Variants in PTPRD observed in about 807,000 individuals in gnomAD.
PTPRD encodes the protein protein tyrosine phosphatase receptor type D.
A neutral mutation model predicts 214.5 loss-of-function variants in PTPRD; 34 were observed. That is an observed-to-expected ratio of 0.16 (90% CI 0.12 to 0.21). The LOEUF (loss-of-function observed/expected upper bound fraction) is 0.21. Among genes scored for constraint, PTPRD ranks in the 10% least tolerant of loss-of-function variants. PTPRD has a pLI of 1.00. For missense variants in PTPRD, 2,545 were observed against 2,398.7 expected (o/e 1.06, Z -1.27); for synonymous variants, 1,128 against 845.7 (o/e 1.33, Z -5.79).
intron 14 of PTPRD, among the ~76,000 whole-genome samples, chr9:8,612,615 A>G (rs779640414): frequency 3.7e-4 from 57 of 152,214 alleles, no homozygotes; most frequent in Non-Finnish European, 7.5e-4. Context: ...GAAAATCCAC[A>G]TGCTTCGAAC....
At chr9:8,477,293 A>G (rs891571617) in intron 30 of PTPRD, among the ~76,000 whole-genome samples, 2 of 152,190 alleles carry the variant, frequency 1.3e-5, no homozygotes, top group Non-Finnish European at 2.9e-5. Context: ...CAGAATCAAT[A>G]TATCTGGAAA....
intron 35 of PTPRD, among the ~76,000 whole-genome samples, chr9:8,417,027 C>A (rs895810446): frequency 2.0e-5 from 3 of 151,948 alleles, no homozygotes; most frequent in African/African-American, 4.8e-5. Flanking sequence ...TATCATGGAG[C>A]ATAATTCCTT....
intron 8 of PTPRD, among the ~76,000 whole-genome samples, chr9:9,533,146 T>C (rs990381770): frequency 2.0e-5 from 3 of 152,160 alleles, no homozygotes; most frequent in Non-Finnish European, 4.4e-5. Flanking sequence ...TTTCTCTTGA[T>C]AGTGTGAGGG....
At chr9:10,228,099 AC>A (rs1315810070) in intron 3 of PTPRD, among the ~76,000 whole-genome samples, 1 of 151,876 alleles carries the variant, frequency 6.6e-6, no homozygotes, top group Non-Finnish European at 1.5e-5. Context: ...AAATTTAGCT[AC>A]TTAAAACTTT....
chr9:8,816,346 G>A (rs1336895528), intron 11 of PTPRD, among the ~76,000 whole-genome samples: 1 of 152,150 alleles, frequency 6.6e-6, no homozygotes, highest in Non-Finnish European at 1.5e-5. Context: ...GAACAGAACT[G>A]CTTCAGCTAT....
chr9:10,503,008 A>G (rs976791704), intron 2 of PTPRD, among the ~76,000 whole-genome samples: 1 of 151,938 alleles, frequency 6.6e-6, no homozygotes, highest in African/African-American at 2.4e-5. Flanking sequence ...TTTATTTTGA[A>G]AACTTTAATC....
chr9:8,370,542 T>A (rs2081231528), intron 39 of PTPRD, among the ~76,000 whole-genome samples: 1 of 152,124 alleles, frequency 6.6e-6, no homozygotes, highest in South Asian at 2.1e-4. Context: ...CCATGATTGG[T>A]AGCTATTGTG....
intron 12 of PTPRD, among the ~76,000 whole-genome samples, chr9:8,698,327 G>A (rs987170015): frequency 4.6e-5 from 7 of 152,186 alleles, no homozygotes; most frequent in African/African-American, 1.7e-4. Context: ...TGAAAATCAA[G>A]AATCAAGGAC....
chr9:10,366,928 G>C (rs1425880386), intron 2 of PTPRD, among the ~76,000 whole-genome samples: 6 of 152,098 alleles, frequency 3.9e-5, no homozygotes, highest in African/African-American at 1.2e-4. Context: ...ATAATGATTA[G>C]GAAGAAGGAA....
intron 4 of PTPRD, among the ~76,000 whole-genome samples, chr9:10,024,767 C>CGAT (rs946347623): frequency 1.4e-5 from 2 of 138,896 alleles, no homozygotes; most frequent in African/African-American, 5.3e-5. Flanking sequence ...TCTCCTAATG[C>CGAT]TATCCCTCCC....
At chr9:10,585,487 T>C (rs2073597766) in intron 2 of PTPRD, among the ~76,000 whole-genome samples, 2 of 152,090 alleles carry the variant, frequency 1.3e-5, no homozygotes, top group Admixed American at 1.3e-4. Flanking sequence ...AGAAAGCTTT[T>C]AGAAAATGAA....
At chr9:9,282,638 A>G (rs572769438) in intron 9 of PTPRD, among the ~76,000 whole-genome samples, 1 of 151,398 alleles carries the variant, frequency 6.6e-6, no homozygotes, top group Non-Finnish European at 1.5e-5. Context: ...TATTTCTTTA[A>G]GCCCACTGAT....
At position 10,385,170 on chromosome 9, in the gene PTPRD, C is replaced by T. The variant is rs117384205; in HGVS notation, c.-599-44153G>A. Among the ~76,000 whole-genome samples the T allele has an allele frequency of 3.9e-3, 598 of 151,826 alleles. 2 individuals are homozygous for T. The highest frequency in any genetic ancestry group is 6.8e-3 in the Middle Eastern group (2 of 294). On this transcript the variant is annotated intron_variant, in intron 2 of 45. Coordinates refer to ENST00000381196, the MANE Select transcript of PTPRD (RefSeq NM_002839.4). ...TGTTTTTTTTCCAAAAAGTTTATTACTCCAGCCAAAAGTAAGTTTATTCCC... is the reference window on the plus strand; with the variant it reads ...TGTTTTTTTTCCAAAAAGTTTATTATTCCAGCCAAAAGTAAGTTTATTCCC...
intron 2 of PTPRD, among the ~76,000 whole-genome samples, chr9:10,389,649 A>G (rs183117114): frequency 4.3e-4 from 65 of 152,024 alleles, no homozygotes; most frequent in African/African-American, 1.4e-3. Flanking sequence ...GTTAAAAGAC[A>G]TACAGCCAAA....
intron 11 of PTPRD, among the ~76,000 whole-genome samples, chr9:8,874,118 T>C (rs977847417): frequency 2.6e-5 from 4 of 152,222 alleles, no homozygotes; most frequent in Non-Finnish European, 5.9e-5. Context: ...ATTGTCCCTA[T>C]ATGTGAATGA....
intron 12 of PTPRD, among the ~76,000 whole-genome samples, chr9:8,661,016 T>G (rs927754332): frequency 6.6e-6 from 1 of 152,050 alleles, no homozygotes; most frequent in African/African-American, 2.4e-5. Flanking sequence ...AGAGCTTGTA[T>G]CATTTCCCTT....
At chr9:9,639,744 T>G (rs2095876526) in intron 7 of PTPRD, among the ~76,000 whole-genome samples, 1 of 152,224 alleles carries the variant, frequency 6.6e-6, no homozygotes, top group Non-Finnish European at 1.5e-5. Context: ...TGGTGCCCTA[T>G]CAGGTAATTC....
At chr9:8,895,842 A>G (rs1243825506) in intron 11 of PTPRD, among the ~76,000 whole-genome samples, 1 of 152,332 alleles carries the variant, frequency 6.6e-6, no homozygotes. Flanking sequence ...AGAAAACTAT[A>G]CATTTCACAT....
intron 12 of PTPRD, among the ~76,000 whole-genome samples, chr9:8,692,203 G>C (rs559750848): frequency 2.0e-5 from 3 of 152,356 alleles, no homozygotes; most frequent in Non-Finnish European, 2.9e-5. Context: ...AGGTGGATTA[G>C]AGAAGGCTGA....
Sources: allele counts gnomAD v4.1 joint callset (sites outside exome capture counted in the v4.1 genomes callset), GRCh38; gene constraint gnomAD v4.1.1; transcripts MANE v1.5; gene names NCBI Gene and HGNC (gene_info 2026-07-23, HGNC 2026-07-21).